The following CNTNAP5 variants were observed in gnomAD, a reference collection of about 807,000 sequenced individuals.
CNTNAP5 encodes the protein contactin associated protein family member 5, also known as contactin-associated protein-like 5.
CNTNAP5 carries 72 observed loss-of-function variants against 150.2 expected under a neutral mutation model. The ratio of observed to expected loss-of-function variants is 0.48; its 90% CI spans 0.40 to 0.58. The LOEUF (loss-of-function observed/expected upper bound fraction) is 0.58, where lower values mean the gene tolerates loss of function less well. Among genes scored for constraint, CNTNAP5 ranks in the 20% least tolerant of loss-of-function variants. The pLI is 0.00. For synonymous variants in CNTNAP5, 672 were observed against 619.8 expected (o/e 1.08, Z -1.25); for missense variants, 1,636 against 1,626.2 (o/e 1.01, Z -0.10).
rs568228321 is a variant in CNTNAP5, at chr2:124,829,108, T to C, written c.3217+30788T>C. On this transcript the variant is annotated intron_variant, in intron 19 of 23. Coordinates refer to ENST00000682447, the MANE Select transcript of CNTNAP5 (RefSeq NM_001367498.1). ...AGGGTCATTCATACTTTAAGGAATA[T>C]AGTGACTCGGGCAAGAGATGTGGGG... Among the ~76,000 whole-genome samples, 22 of 152,280 alleles carry C rather than the reference T, an allele frequency of 1.4e-4. No homozygotes were observed. In the South Asian group the frequency reaches 4.4e-3, roughly 30 times the overall value.
chr2:124,245,461 GGT>G, intron 3 of CNTNAP5, among the ~76,000 whole-genome samples: 1 of 151,966 alleles, frequency 6.6e-6, no homozygotes, highest in Non-Finnish European at 1.5e-5. Flanking sequence ...TCAAACAAAA[GGT>G]TTTGCAAAAC....
At chr2:124,826,720 C>G (rs545553350) in intron 19 of CNTNAP5, among the ~76,000 whole-genome samples, 11 of 152,058 alleles carry the variant, frequency 7.2e-5, no homozygotes, top group Non-Finnish European at 1.3e-4. Context: ...AACAAACCCT[C>G]TAGGTGATCC....
At chr2:124,288,165 A>T (rs1161437111) in intron 3 of CNTNAP5, among the ~76,000 whole-genome samples, 1 of 152,206 alleles carries the variant, frequency 6.6e-6, no homozygotes, top group East Asian at 1.9e-4. Context: ...CCTAGGCTCA[A>T]GTGATCCTCT....
intron 13 of CNTNAP5, among the ~76,000 whole-genome samples, chr2:124,660,031 G>GAAGGAAGA (rs1271170215): frequency 1.2e-5 from 1 of 86,900 alleles, no homozygotes; most frequent in African/African-American, 4.6e-5. Context: ...AAGGAGGAAG[G>GAAGGAAGA]AAGGAAGGAA....
At chr2:124,569,606 C>G (rs1242372660) in intron 11 of CNTNAP5, among the ~76,000 whole-genome samples, 1 of 152,186 alleles carries the variant, frequency 6.6e-6, no homozygotes, top group Non-Finnish European at 1.5e-5. Flanking sequence ...ATGTTTATGT[C>G]TGATGACACT....
intron 1 of CNTNAP5, among the ~76,000 whole-genome samples, chr2:124,063,334 A>G (rs1682062857): frequency 6.6e-6 from 1 of 152,096 alleles, no homozygotes; most frequent in South Asian, 2.1e-4. Context: ...ACATAGTTCT[A>G]CGTGCCACTT....
At chr2:124,499,103 T>C (rs1242552744) in intron 7 of CNTNAP5, among the ~76,000 whole-genome samples, 1 of 152,120 alleles carries the variant, frequency 6.6e-6, no homozygotes. Context: ...CCCACTACTA[T>C]TATTCCCCAG....
intron 1 of CNTNAP5, among the ~76,000 whole-genome samples, chr2:124,113,871 AT>A (rs923281831): frequency 3.3e-5 from 5 of 151,860 alleles, no homozygotes; most frequent in African/African-American, 1.2e-4. Flanking sequence ...TGAAAAGATC[AT>A]TTTTTCACTG....
intron 1 of CNTNAP5, among the ~76,000 whole-genome samples, chr2:124,032,343 T>C (rs964708957): frequency 2.6e-5 from 4 of 152,140 alleles, no homozygotes; most frequent in African/African-American, 9.7e-5. Flanking sequence ...TAGGTAAGCA[T>C]GAGAGTCTTT....
At chr2:124,293,143 A>T (rs182398880) in intron 3 of CNTNAP5, among the ~76,000 whole-genome samples, 5 of 150,640 alleles carry the variant, frequency 3.3e-5, no homozygotes, top group Non-Finnish European at 7.5e-5. Context: ...AAATATTTTT[A>T]AAAATTTTTA....
rs769300567 is a variant in CNTNAP5, at chr2:124,504,470, C to T, written c.1241C>T (p.Ser414Leu). Reference protein sequence around the residue: ...LLLSTELSEGSGTLLLSLEGG... With the variant: ...LLLSTELSEGLGTLLLSLEGG... Reference sequence around the variant, plus strand: ...CTGTCCACAGAGCTGTCTGAGGGCTCGGGAACCCTGCTGCTGAGCCTGGAG... The same window carrying T: ...CTGTCCACAGAGCTGTCTGAGGGCTTGGGAACCCTGCTGCTGAGCCTGGAG... The change falls in exon 8 of 24, where the codon TCG becomes TTG. Residue 414 changes from serine (S) to leucine (L), a missense_variant. By Grantham distance (145) the Ser-to-Leu change is moderately radical. Coordinates refer to ENST00000682447, the MANE Select transcript of CNTNAP5 (RefSeq NM_001367498.1). 27 of 1,613,598 alleles carry T rather than the reference C, an allele frequency of 1.7e-5. No homozygotes were observed. The South Asian group carries it at 2.3e-4, about 14-fold the overall frequency.
intron 1 of CNTNAP5, among the ~76,000 whole-genome samples, chr2:124,176,114 T>A (rs1685057468): frequency 1.3e-5 from 2 of 152,210 alleles, no homozygotes. Context: ...ATTTCCAGGA[T>A]CTTTCTCCTC....
chr2:124,389,575 A>G (rs149908211), intron 3 of CNTNAP5, among the ~76,000 whole-genome samples: 1 of 152,344 alleles, frequency 6.6e-6, no homozygotes, highest in East Asian at 1.9e-4. Context: ...TCTGGTCTCA[A>G]TTGCTTTGAC....
intron 1 of CNTNAP5, among the ~76,000 whole-genome samples, chr2:124,124,681 C>A (rs890984647): frequency 6.6e-6 from 1 of 152,252 alleles, no homozygotes; most frequent in Admixed American, 6.5e-5. Context: ...GGGTTACCCA[C>A]AAAGGGAAGC....
At chr2:124,476,721 A>G (rs1024303891) in intron 7 of CNTNAP5, among the ~76,000 whole-genome samples, 1 of 152,142 alleles carries the variant, frequency 6.6e-6, no homozygotes, top group Non-Finnish European at 1.5e-5. Flanking sequence ...CACCCTGGCC[A>G]GAAACTTGGG....
chr2:124,126,397 G>A (rs1683701355), intron 1 of CNTNAP5, among the ~76,000 whole-genome samples: 1 of 143,134 alleles, frequency 7.0e-6, no homozygotes, highest in Admixed American at 7.3e-5. Context: ...AATGGGCTCT[G>A]AAATTGAGCC....
intron 3 of CNTNAP5, among the ~76,000 whole-genome samples, chr2:124,261,091 C>T (rs971216293): frequency 2.6e-5 from 4 of 151,832 alleles, no homozygotes; most frequent in Non-Finnish European, 5.9e-5. Flanking sequence ...TTCTTTATGG[C>T]AATTTAAGAA....
rs1052022894 is a variant in CNTNAP5, at chr2:124,612,449, A to G, written c.1876+2529A>G. Among the ~76,000 whole-genome samples, 8 of 152,222 alleles carry G rather than the reference A, an allele frequency of 5.3e-5. No homozygotes were observed. The South Asian group carries it at 1.7e-3, about 31-fold the overall frequency. On this transcript the variant is annotated intron_variant, in intron 12 of 23. Transcript: ENST00000682447. ...AACTCTTCAAAATAATGCAAGGACA[A>G]GGACTTAGAGAGTCTGACTGATACA... is the stretch of plus-strand genomic sequence containing the variant.
At chr2:124,280,863 A>C (rs1415613347) in intron 3 of CNTNAP5, among the ~76,000 whole-genome samples, 2 of 152,180 alleles carry the variant, frequency 1.3e-5, no homozygotes, top group Non-Finnish European at 2.9e-5. Context: ...TGAGAAAGGA[A>C]GCCACCATTT....
Sources: gnomAD v4.1 joint callset for allele counts (sites outside exome capture counted in the v4.1 genomes callset) on GRCh38, gnomAD v4.1.1 for gene constraint, MANE v1.5 for transcripts, NCBI Gene and HGNC (gene_info 2026-07-23, HGNC 2026-07-21) for gene names.